DLG2: variants seen among roughly 807,000 people sequenced by gnomAD.
DLG2 encodes the protein discs large MAGUK scaffold protein 2.
Under a neutral mutation model 132.5 loss-of-function variants are expected in DLG2, and 45 were observed. That is an observed-to-expected ratio of 0.34 (90% confidence interval 0.27 to 0.44). The LOEUF (loss-of-function observed/expected upper bound fraction) is 0.44, where lower values mean the gene tolerates loss of function less well. DLG2 is among the 20% of genes least tolerant of loss of function. The pLI is 1.00. For missense variants in DLG2, 1,045 were observed against 1,196.9 expected (o/e 0.87, Z 1.87); for synonymous variants, 424 against 419.6 (o/e 1.01, Z -0.13).
At chr11:84,360,590 T>C (rs1342519208) in intron 7 of DLG2, among the ~76,000 whole-genome samples, 2 of 151,894 alleles carry the variant, frequency 1.3e-5, no homozygotes, top group African/African-American at 4.8e-5. Context: ...GAGAAAGAAA[T>C]ACGGGACTCA....
At chr11:84,014,242 GT>G (rs1468876720) in intron 11 of DLG2, among the ~76,000 whole-genome samples, 1 of 152,126 alleles carries the variant, frequency 6.6e-6, no homozygotes, top group Non-Finnish European at 1.5e-5. Context: ...TAAGGTGAAT[GT>G]TTTGGAAAGG....
At chr11:83,672,808 A>G (rs1004194504) in intron 18 of DLG2, among the ~76,000 whole-genome samples, 1 of 152,158 alleles carries the variant, frequency 6.6e-6, no homozygotes, top group Non-Finnish European at 1.5e-5. Context: ...CACGCCTGTA[A>G]TCCCAGCACT....
At chr11:85,079,052 A>C (rs1416770888) in intron 6 of DLG2, among the ~76,000 whole-genome samples, 1 of 151,956 alleles carries the variant, frequency 6.6e-6, no homozygotes, top group Admixed American at 6.6e-5. Context: ...CAATCAATAC[A>C]TATAAGTGGT....
intron 6 of DLG2, among the ~76,000 whole-genome samples, chr11:84,797,520 C>G (rs992896758): frequency 1.3e-5 from 2 of 152,106 alleles, no homozygotes; most frequent in Non-Finnish European, 2.9e-5. Context: ...TGCTGTGATG[C>G]ATTCTTTAGT....
At chr11:83,657,735 T>C (rs1591860820) in intron 18 of DLG2, among the ~76,000 whole-genome samples, 1 of 151,468 alleles carries the variant, frequency 6.6e-6, no homozygotes, top group East Asian at 1.9e-4. Context: ...AGAGACGGGG[T>C]TTCACCGCAT....
At chr11:83,790,694 G>T in intron 17 of DLG2, 1 of 826,986 alleles carries the variant, frequency 1.2e-6, no homozygotes, top group South Asian at 1.3e-5. Context: ...TCTGCAACAT[G>T]ACTCCCGTGG....
intron 19 of DLG2, among the ~76,000 whole-genome samples, chr11:83,575,923 C>T (rs1046623084): frequency 6.6e-6 from 1 of 151,896 alleles, no homozygotes; most frequent in African/African-American, 2.4e-5. Flanking sequence ...ATATGACTGA[C>T]AATGGGAGAA....
rs1567803967 is a variant in DLG2, at chr11:84,502,229, T to TCCTTC, written c.519+32336_519+32340dup. On this transcript the variant is annotated intron_variant, in intron 7 of 27. Transcript: ENST00000376104. ...TTCCTTCCTTCCTTCCTTCCTTCCT[T>TCCTTC]CCTTCCTTCCTTCCTTCCTTCCTTC... Among the ~76,000 whole-genome samples the TCCTTC allele has an allele frequency of 8.4e-5, 2 of 23,846 alleles. 1 individual carries two copies. Among genetic ancestry groups the TCCTTC allele is most frequent in the African/African-American group, 1.2e-3 (2 of 1,622 alleles). 15.6% of individuals were successfully genotyped at this position (23,846 alleles called of 152,430 possible).
intron 11 of DLG2, among the ~76,000 whole-genome samples, chr11:84,047,574 T>C (rs2096267191): frequency 6.6e-6 from 1 of 151,606 alleles, no homozygotes; most frequent in Non-Finnish European, 1.5e-5. Flanking sequence ...CAGGGCTTGT[T>C]GTGTGAATGA....
At chr11:83,970,050 G>T (rs1457256785) in intron 12 of DLG2, among the ~76,000 whole-genome samples, 2 of 152,012 alleles carry the variant, frequency 1.3e-5, no homozygotes, top group East Asian at 3.9e-4. Context: ...AACACAGGGG[G>T]AATGAGAAGT....
chr11:85,464,485 T>A (rs2092717624), intron 3 of DLG2, among the ~76,000 whole-genome samples: 1 of 152,132 alleles, frequency 6.6e-6, no homozygotes, highest in Non-Finnish European at 1.5e-5. Flanking sequence ...TTAGTCCACC[T>A]CTGGGTGGAG....
chr11:85,366,998 C>G (rs1000364607), intron 3 of DLG2, among the ~76,000 whole-genome samples: 5 of 151,940 alleles, frequency 3.3e-5, no homozygotes, highest in African/African-American at 1.2e-4. Flanking sequence ...TAGTATACTT[C>G]CAGAAAAGTT....
chr11:85,528,174 C>T (rs151244787), intron 3 of DLG2, among the ~76,000 whole-genome samples: 3,401 of 152,154 alleles, frequency 0.022, 47 homozygotes, highest in Middle Eastern at 0.037. Flanking sequence ...GCTGAGCAGA[C>T]GCTCTTTAGT....
intron 6 of DLG2, among the ~76,000 whole-genome samples, chr11:84,890,017 T>C (rs2089071733): frequency 6.6e-6 from 1 of 152,206 alleles, no homozygotes; most frequent in Non-Finnish European, 1.5e-5. Context: ...AGTCATATGA[T>C]AGTAGAATGA....
At chr11:84,165,865 T>TC in intron 8 of DLG2, among the ~76,000 whole-genome samples, 1 of 151,866 alleles carries the variant, frequency 6.6e-6, no homozygotes, top group Non-Finnish European at 1.5e-5. Context: ...ACCACTACAC[T>TC]CCAGCCTGGG....
At chr11:83,522,618 C>T (rs756230121) in intron 21 of DLG2, among the ~76,000 whole-genome samples, 3 of 152,026 alleles carry the variant, frequency 2.0e-5, no homozygotes, top group Non-Finnish European at 4.4e-5. Flanking sequence ...TAATTCAATA[C>T]TTATTGGTTG....
In DLG2 at chr11:84,399,550, C is replaced by T. The variant is rs145867901; in HGVS notation, c.519+135020G>A. Among the ~76,000 whole-genome samples, 1,271 of 152,204 alleles carry T rather than the reference C, an allele frequency of 8.4e-3. 5 individuals are homozygous for T. Among genetic ancestry groups the T allele is most frequent in the Non-Finnish European group, 0.012 (800 of 67,990 alleles). ...AAGCGATTATCCTGCCTCAGCCTCA[C>T]GAGTAGCTGGGACTACCACCACATC... On this transcript the variant is annotated intron_variant, in intron 7 of 27. Transcript: ENST00000376104.
intron 7 of DLG2, among the ~76,000 whole-genome samples, chr11:84,399,968 C>A (rs1468127240): frequency 6.6e-6 from 1 of 152,160 alleles, no homozygotes; most frequent in Non-Finnish European, 1.5e-5. Flanking sequence ...TGTTCCTTGC[C>A]TGTGAAGGCA....
At chr11:84,175,737 A>G (rs1281953677) in intron 8 of DLG2, among the ~76,000 whole-genome samples, 1 of 152,042 alleles carries the variant, frequency 6.6e-6, no homozygotes, top group Non-Finnish European at 1.5e-5. Flanking sequence ...GAGCCACATC[A>G]CCCTGCTCCT....
Sources: allele counts gnomAD v4.1 joint callset (sites outside exome capture counted in the v4.1 genomes callset), GRCh38; gene constraint gnomAD v4.1.1; transcripts MANE v1.5; gene names NCBI Gene and HGNC (gene_info 2026-07-23, HGNC 2026-07-21).